ABCG1: variants seen among roughly 807,000 people sequenced by gnomAD.
ABCG1 encodes ATP binding cassette subfamily G member 1.
A neutral mutation model predicts 69.2 loss-of-function variants in ABCG1; 29 were observed. The ratio of observed to expected loss-of-function variants is 0.42; its 90% CI spans 0.31 to 0.57. The LOEUF (loss-of-function observed/expected upper bound fraction) is 0.57, where lower values mean the gene tolerates loss of function less well. Among genes scored for constraint, ABCG1 ranks in the 20% least tolerant of loss-of-function variants. ABCG1 has a pLI of 0.15. For synonymous variants in ABCG1, 370 were observed against 374.8 expected (o/e 0.99, Z 0.15); for missense variants, 718 against 898.1 (o/e 0.80, Z 2.56).
rs2067805696 is a variant in ABCG1 at position 42,225,742 on chromosome 21, C to T, written c.114C>T (p.Ser38=). The T allele has an allele frequency of 3.1e-6, 5 of 1,607,184 alleles. No individual in the cohort carries two copies. The highest frequency in any genetic ancestry group is 3.4e-6 in the Non-Finnish European group (4 of 1,177,024). Residue 38 remains serine (S), a synonymous_variant, in exon 2 of 15, where the codon TCC becomes TCT. Transcript: ENST00000398449. ...GTGTCTCGGTGGATGAGGTGGTGTC[C>T]AGCAACATGGAGGCCACTGAGACGG... ...SVCVSVDEVV[S]SNMEATETDL...
At chr21:42,272,557 G>T (rs796494581) in intron 3 of ABCG1, among the ~76,000 whole-genome samples, 5 of 152,234 alleles carry the variant, frequency 3.3e-5, no homozygotes, top group African/African-American at 1.2e-4. Context: ...AGGAGGTAGG[G>T]CTAGAGAGAC....
At chr21:42,241,977 C>CAAA (rs35823612) in intron 2 of ABCG1, among the ~76,000 whole-genome samples, 30,986 of 93,510 alleles carry the variant, frequency 0.33, 4,294 homozygotes, top group Middle Eastern at 0.41. Flanking sequence ...GACCCTGTCT[C>CAAA]AAAAAAAAAA....
chr21:42,201,838 C>T, intron 2 of ABCG1: 1 of 1,574,302 alleles, frequency 6.4e-7, no homozygotes, highest in Non-Finnish European at 8.7e-7. Context: ...TTGGTGTGGG[C>T]TGTGGGAGCT....
chr21:42,237,423 C>T (rs896294932), intron 2 of ABCG1, among the ~76,000 whole-genome samples: 3 of 152,200 alleles, frequency 2.0e-5, no homozygotes, highest in Middle Eastern at 3.2e-3. Flanking sequence ...CTAGGGGAAG[C>T]CTTCCTTCAT....
At chr21:42,278,287 C>G (rs1339478420) in intron 5 of ABCG1, among the ~76,000 whole-genome samples, 2 of 151,868 alleles carry the variant, frequency 1.3e-5, no homozygotes, top group East Asian at 3.8e-4. Context: ...AACGTAGACA[C>G]CCCCCCACAA....
Position 42,219,821 on chromosome 21 carries a change from A to G in ABCG1, c.42+517A>G. On this transcript the variant is annotated intron_variant, in intron 1 of 14. Coordinates refer to ENST00000398449, the MANE Select transcript of ABCG1 (RefSeq NM_016818.3). This position sits in a 1 kb window ranked among gnomAD's most constrained non-coding sequence, Gnocchi z 5.3. ...GAGGAAGCTGCCCCCAGAGAGCCGG[A>G]GCCTGCGACTGCACTCCCGGGGACA... is the stretch of plus-strand genomic sequence containing the variant. 6.9e-7 allele frequency: 1 copy of G among 1,455,258 alleles called. No individual in the cohort carries two copies. Among genetic ancestry groups the G allele is most frequent in the Non-Finnish European group, 9.0e-7 (1 of 1,107,384 alleles). 90.1% of individuals were successfully genotyped at this position (1,455,258 alleles called of 1,614,324 possible). A position where few individuals can be genotyped will look rare whatever the true frequency, so the allele number is the denominator to read the frequency against.
rs748833132 is a variant in ABCG1 at position 42,291,694 on chromosome 21, C to T, written c.1653+38C>T. On this transcript the variant is annotated intron_variant, in intron 13 of 14. Coordinates refer to ENST00000398449, the MANE Select transcript of ABCG1 (RefSeq NM_016818.3). The surrounding 1 kb of genome is among the most constrained non-coding windows in gnomAD (Gnocchi z 6.4). ...GAGGCGCTAAGTGAGGGCATGACGG[C>T]TGGGCTTCCCTGAGCTACCTTGGCC... The T allele has an allele frequency of 2.6e-6, 4 of 1,549,688 alleles. 1 individual carries two copies. The highest frequency in any genetic ancestry group is 2.3e-5 in the South Asian group (2 of 85,424).
At chr21:42,225,388 G>T (rs2067799321) in intron 1 of ABCG1, among the ~76,000 whole-genome samples, 1 of 152,194 alleles carries the variant, frequency 6.6e-6, no homozygotes, top group African/African-American at 2.4e-5. Context: ...GGCAAGTGAT[G>T]ATTCATGGAT....
intron 11 of ABCG1, among the ~76,000 whole-genome samples, 170 bp from the exon 12 acceptor site, chr21:42,290,922 G>T (rs147132254): frequency 6.6e-6 from 1 of 152,290 alleles, no homozygotes; most frequent in East Asian, 1.9e-4. Flanking sequence ...TTATGCAAAC[G>T]GGTGGCGTTT....
In ABCG1 at chr21:42,273,179, C is replaced by A; in HGVS notation, c.405-124C>A. 4.4e-6 allele frequency: 6 copies of A among 1,374,974 alleles called. No homozygotes were observed. The highest frequency in any genetic ancestry group is 2.8e-5 in the South Asian group (2 of 72,474). 85.2% of individuals were successfully genotyped at this position (1,374,974 alleles called of 1,614,324 possible). ...TTTCTGCCCCTCGGGGTCCCCGTGG[C>A]CAGTGGTTCAGCTGGGAAGATGCTG... On this transcript the variant is annotated intron_variant, in intron 3 of 14. Transcript: ENST00000398449. The surrounding 1 kb of genome is among the most constrained non-coding windows in gnomAD (Gnocchi z 5.3).
chr21:42,271,196 C>A lies in ABCG1; in HGVS notation c.404+9C>A, dbSNP rs769459738. 4 of 1,517,496 alleles carry A rather than the reference C, an allele frequency of 2.6e-6. No individual in the cohort carries two copies. Among genetic ancestry groups the A allele is most frequent in the Non-Finnish European group, 3.5e-6 (4 of 1,134,872 alleles). 94.0% of individuals were successfully genotyped at this position (1,517,496 alleles called of 1,614,324 possible). A position where few individuals can be genotyped will look rare whatever the true frequency, so the allele number is the denominator to read the frequency against. ...ATCCTGGCTGGATACAGGTGAGCAG[C>A]CCTGCCCAGGGCGCAAAGTTCTCTC... On this transcript the variant is annotated intron_variant, in intron 3 of 14. Transcript: ENST00000398449.
intron 13 of ABCG1, among the ~76,000 whole-genome samples, chr21:42,292,906 CACTACACACCACACAT>C (rs1601460392): frequency 6.7e-6 from 1 of 148,306 alleles, no homozygotes; most frequent in Non-Finnish European, 1.5e-5. Context: ...CCACACTACA[CACTACACACCACACAT>C]ACTACACACC....
chr21:42,204,072 A>G (rs374249317), intron 2 of ABCG1, among the ~76,000 whole-genome samples: 2 of 152,196 alleles, frequency 1.3e-5, no homozygotes, highest in Non-Finnish European at 2.9e-5. Context: ...ATAGAAATAA[A>G]ATTTATGTAT....
intron 2 of ABCG1, among the ~76,000 whole-genome samples, chr21:42,209,376 C>T (rs76496825): frequency 0.025 from 3,880 of 152,336 alleles, 164 homozygotes; most frequent in African/African-American, 0.088. Context: ...TTCTAAAGCA[C>T]TCGAGGTTGT....
chr21:42,245,287 G>A (rs908063072), intron 2 of ABCG1, among the ~76,000 whole-genome samples: 2 of 152,196 alleles, frequency 1.3e-5, no homozygotes, highest in Non-Finnish European at 1.5e-5. Context: ...CCACTGGCTC[G>A]CATATAGGTC....
intron 2 of ABCG1, among the ~76,000 whole-genome samples, chr21:42,231,257 G>A (rs1342993242): frequency 6.6e-6 from 1 of 152,208 alleles, no homozygotes; most frequent in African/African-American, 2.4e-5. Context: ...ACCTTGAGGC[G>A]AAGTTCAGGT....
Position 42,284,612 on chromosome 21 carries a change from G to C in ABCG1, c.787G>C (p.Ala263Pro). Residue 263 changes from alanine to proline, a missense_variant, in exon 7 of 15, where the codon GCT (alanine) becomes CCT (proline). By Grantham distance (27) the Ala-to-Pro change is conservative (BLOSUM62 -1). Around this residue, in one of 2 missense-constraint regions of ABCG1, gnomAD observed 514 missense variants for 574.3 expected, o/e 0.90. Transcript: ENST00000398449. ...GGTGGTCTCGCTGATGAAAGGGCTC[G>C]CTCAAGGGGGTCGCTCCATCATTTG... ...FQVVSLMKGL[A>P]QGGRSIICTI... The C allele has an allele frequency of 6.2e-7, 1 of 1,613,888 alleles. No individual in the cohort carries two copies. The highest frequency in any genetic ancestry group is 8.5e-7 in the Non-Finnish European group (1 of 1,180,016).
At chr21:42,256,210 AG>A in intron 2 of ABCG1, 2 of 1,447,598 alleles carry the variant, frequency 1.4e-6, no homozygotes, top group Non-Finnish European at 1.8e-6. Flanking sequence ...AAACCTCATA[AG>A]TGGTTTCCCA....
rs906209109 is a variant in ABCG1 at position 42,256,353 on chromosome 21, T to A, written c.287-14717T>A. ...TCTCTGCTGGGGCTCCGGGACATGG[T>A]CAGGAGAGGTTGGTCTGTCTGTACC... On this transcript the variant is annotated intron_variant, in intron 2 of 14. Coordinates refer to ENST00000398449, the MANE Select transcript of ABCG1 (RefSeq NM_016818.3). The A allele has an allele frequency of 3.9e-6, 6 of 1,550,122 alleles. No individual in the cohort carries two copies. In the African/African-American group the frequency reaches 4.1e-5, roughly 11 times the overall value.
Sources: gnomAD v4.1 joint callset for allele counts (sites outside exome capture counted in the v4.1 genomes callset) on GRCh38, gnomAD v4.1.1 for gene constraint, gnomAD v4.1.1 regional missense constraint, Gnocchi (gnomAD v3.1) non-coding constraint, MANE v1.5 for transcripts, NCBI Gene and HGNC (gene_info 2026-07-23, HGNC 2026-07-21) for gene names.